The following DEF8 variants were observed in gnomAD, a reference collection of about 807,000 sequenced individuals.
DEF8 encodes the protein differentially expressed in FDCP 8 homolog.
In DEF8, 38 loss-of-function variants were observed where a neutral mutation model predicts 59.1. That is an observed-to-expected ratio of 0.64 (90% CI 0.50 to 0.84). The LOEUF (loss-of-function observed/expected upper bound fraction) is 0.84. Ranked by LOEUF, DEF8 falls within the 40% of genes least tolerant of loss-of-function variation. The pLI is 0.00. For synonymous variants in DEF8, 265 were observed against 250.1 expected, an observed-to-expected ratio of 1.06 and a Z score of -0.56; for missense variants, 557 against 615.2, an observed-to-expected ratio of 0.91 and a Z score of 1.00.
chr16:89,961,056 G>A lies in DEF8; in HGVS notation c.640G>A (p.Asp214Asn). Residue 214 changes from aspartate (D) to asparagine (N), a missense_variant, in exon 7 of 13, where the codon GAT (aspartate) becomes AAT (asparagine). Physicochemically the swap from Asp to Asn is conservative, Grantham distance 23. Transcript: ENST00000563594. Reference protein sequence around the residue: ...ICPETGLDSQDYRCAECRAPI... With the variant: ...ICPETGLDSQNYRCAECRAPI... ...CCCTGAGACAGGGCTGGACAGCCAG[G>A]ATTACCGCTGTGCCGAGTGCCGGGC... The A allele has an allele frequency of 6.2e-7, 1 of 1,614,020 alleles. No homozygotes were observed. The highest frequency in any genetic ancestry group is 1.1e-5 in the South Asian group (1 of 91,082).
rs113287072 is a variant in DEF8 at position 89,952,676 on chromosome 16, T to C, written c.-10-1567T>C. On this transcript the variant is annotated intron_variant, in intron 2 of 12. Transcript: ENST00000563594. ...CTCTGACTCTGTGACCCACCCACAG[T>C]CATCAGGTAATAAGAGAAGGAGGTG... The C allele has an allele frequency of 7.9e-3, 1,199 of 152,412 alleles. 7 individuals carry two copies. Among genetic ancestry groups the C allele is most frequent in the Non-Finnish European group, 0.013 (889 of 68,062 alleles). The allele number at this position is 152,412 out of a possible 1,614,324, so 9.4% of individuals were successfully genotyped here.
chr16:89,950,069 C>T (rs777014112), intron 2 of DEF8: 54 of 995,514 alleles, frequency 5.4e-5, no homozygotes, highest in Non-Finnish European at 6.2e-5. Flanking sequence ...TTTCACAGCC[C>T]GGAGGAGAGC....
chr16:89,952,835 C>T (rs553084017), intron 2 of DEF8, among the ~76,000 whole-genome samples: 154 of 152,352 alleles, frequency 1.0e-3, no homozygotes, highest in African/African-American at 3.3e-3. Flanking sequence ...GCCCCACAGG[C>T]ACAACAGGCA....
At position 89,966,302 on chromosome 16, in the gene DEF8, C is replaced by G; in HGVS notation, c.*339C>G. ...CCTCCACACCCCTGGACCAGGGCATCCGGGCCCTAGAAATTCCACAGCTCC... is the reference window on the plus strand; with the variant it reads ...CCTCCACACCCCTGGACCAGGGCATGCGGGCCCTAGAAATTCCACAGCTCC... On this transcript the variant is annotated 3_prime_UTR_variant, in exon 13 of 13. Transcript: ENST00000563594. The G allele has an allele frequency of 5.0e-6, 1 of 200,158 alleles. No homozygotes were observed. The highest frequency in any genetic ancestry group is 1.0e-5 in the Non-Finnish European group (1 of 96,068). The allele number at this position is 200,158 out of a possible 1,614,324, so 12.4% of individuals were successfully genotyped here.
intron 1 of DEF8, among the ~76,000 whole-genome samples, chr16:89,949,128 G>T (rs1405143879): frequency 2.0e-5 from 3 of 147,742 alleles, no homozygotes; most frequent in African/African-American, 7.4e-5. Flanking sequence ...GCGGGGACGG[G>T]GCTGGGAGGG....
chr16:89,949,690 C>T (rs774768716), intron 2 of DEF8, 177 bp downstream of exon 2: 82 of 1,520,942 alleles, frequency 5.4e-5, no homozygotes, highest in Non-Finnish European at 6.1e-5. Context: ...CTCCGTGCCC[C>T]GGAACCCCGC....
At position 89,961,648 on chromosome 16, in the gene DEF8, G is replaced by C. The variant is rs556629635; in HGVS notation, c.680-89G>C. 67 of 1,534,842 alleles carry C rather than the reference G, an allele frequency of 4.4e-5. 1 individual carries two copies. In the South Asian group the frequency reaches 7.4e-4, roughly 17 times the overall value. ...ATGTTCCCATGTCTCCCCGAGGGCT[G>C]TGGTCCATGGGAGGACAGACCATGA... On this transcript the variant is annotated intron_variant, in intron 7 of 12. Coordinates refer to ENST00000563594, the MANE Select transcript of DEF8 (RefSeq NM_001242818.2).
intron 10 of DEF8, chr16:89,963,710 A>G: frequency 1.9e-6 from 1 of 534,330 alleles, no homozygotes; most frequent in South Asian, 2.3e-5. Context: ...TGACCACAAA[A>G]CACAGTTTTC....
At chr16:89,951,685 C>G (rs1442550042) in intron 2 of DEF8, among the ~76,000 whole-genome samples, 2 of 152,198 alleles carry the variant, frequency 1.3e-5, no homozygotes, top group African/African-American at 4.8e-5. Flanking sequence ...AATCACGTCA[C>G]TCTCCCCAGT....
At position 89,967,069 on chromosome 16, in the gene DEF8, TG is replaced by T. The variant is rs2151232541; in HGVS notation, c.*1108del. ...CTACAGCTCTGGGTGAGGGGACACT[TG>T]GCTTTGGTGTTTGCACTTTACAGAT... is the stretch of plus-strand genomic sequence containing the variant. On this transcript the variant is annotated 3_prime_UTR_variant, in exon 13 of 13. Transcript: ENST00000563594. 1 of 385,166 alleles carries T rather than the reference TG, an allele frequency of 2.6e-6. No homozygotes were observed. Among genetic ancestry groups the T allele is most frequent in the South Asian group, 1.4e-4 (1 of 6,904 alleles). The allele number at this position is 385,166 out of a possible 1,614,324, so 23.9% of individuals were successfully genotyped here.
In DEF8 at chr16:89,965,894, C is replaced by G; in HGVS notation, c.1287C>G (p.Pro429=). The G allele has an allele frequency of 1.2e-6, 2 of 1,613,684 alleles. No individual in the cohort carries two copies. The highest frequency in any genetic ancestry group is 1.7e-6 in the Non-Finnish European group (2 of 1,179,762). The change falls in exon 13 of 13, where the codon CCC becomes CCG. Residue 429 remains proline, a synonymous_variant. Coordinates refer to ENST00000563594, the MANE Select transcript of DEF8 (RefSeq NM_001242818.2). ...ACTACGACAACTCCACCACTTGTCC[C>G]AAGTGTGCCCGGCTCAGCCTGAGGA... The part of the protein sequence containing the change: ...DCYYDNSTTC[P]KCARLSLRKQ...
chr16:89,964,165 G>A lies in DEF8; in HGVS notation c.1003-5G>A. ...CAGGGCGTCACGGCTGCTGGGACTT[G>A]GCAGCTCCAGGATCGGCAGCATTTT... On this transcript the variant is annotated splice_region_variant and splice_polypyrimidine_tract_variant and intron_variant, in intron 10 of 12. Transcript: ENST00000563594. The A allele has an allele frequency of 2.5e-6, 4 of 1,613,816 alleles. No homozygotes were observed. The highest frequency in any genetic ancestry group is 3.4e-6 in the Non-Finnish European group (4 of 1,179,936).
chr16:89,962,502 A>C (rs912576418), intron 9 of DEF8, among the ~76,000 whole-genome samples: 3 of 152,238 alleles, frequency 2.0e-5, no homozygotes, highest in African/African-American at 7.2e-5. Flanking sequence ...TACTAAAAAT[A>C]CAAAATTGGC....
intron 6 of DEF8, 78 bp from the exon 7 acceptor site, chr16:89,960,853 G>C (rs1025250505): frequency 2.6e-6 from 4 of 1,512,150 alleles, no homozygotes; most frequent in Non-Finnish European, 3.6e-6. Flanking sequence ...CACGGGGAGG[G>C]GGCAAGCCAG....
In DEF8 at chr16:89,961,705, C is replaced by T. The variant is rs572436925; in HGVS notation, c.680-32C>T. ...AAAGCTGTGTGGGGTTTTTGTGAGG[C>T]AGGGACACTCAGGGCCCCTCTGACC... On this transcript the variant is annotated intron_variant, in intron 7 of 12. Transcript: ENST00000563594. 3.8e-5 allele frequency: 61 copies of T among 1,610,354 alleles called. 1 individual carries two copies. In the East Asian group the frequency reaches 8.2e-4, roughly 22 times the overall value.
intron 10 of DEF8, chr16:89,963,869 C>T (rs1286895981): frequency 5.8e-6 from 3 of 519,926 alleles, no homozygotes; most frequent in East Asian, 3.5e-5. Context: ...AACTCTGTGA[C>T]AAGATAGAGA....
chr16:89,965,845 C>G lies in DEF8; in HGVS notation c.1254-16C>G. 1 of 1,592,516 alleles carries G rather than the reference C, an allele frequency of 6.3e-7. No individual in the cohort carries two copies. Among genetic ancestry groups the G allele is most frequent in the Non-Finnish European group, 8.6e-7 (1 of 1,161,962 alleles). On this transcript the variant is annotated splice_polypyrimidine_tract_variant and intron_variant, in intron 12 of 12. Transcript: ENST00000563594. ...AGTTTCCTGTGCAGAGAGCCCCGAC[C>G]TCTTTCTGCCCCCAGGGACTGCTAC...
intron 2 of DEF8, chr16:89,949,923 G>T (rs1344685609): frequency 2.6e-6 from 2 of 765,694 alleles, no homozygotes; most frequent in Non-Finnish European, 3.6e-6. Flanking sequence ...GGCCACTGTG[G>T]CCGGCATCCC....
chr16:89,964,397 T>C (rs978408166), intron 11 of DEF8, 69 bp from the exon 12 acceptor site: 3 of 1,550,266 alleles, frequency 1.9e-6, no homozygotes, highest in Non-Finnish European at 2.6e-6. Context: ...AGTGTGTCCC[T>C]GGCCTCAGAG....
Sources: allele counts gnomAD v4.1 joint callset (sites outside exome capture counted in the v4.1 genomes callset), GRCh38; gene constraint gnomAD v4.1.1; transcripts MANE v1.5; gene names NCBI Gene and HGNC (gene_info 2026-07-23, HGNC 2026-07-21).